The following PDE4D variants were observed in gnomAD, a reference collection of about 807,000 sequenced individuals.
PDE4D encodes phosphodiesterase 4D.
A neutral mutation model predicts 87.4 loss-of-function variants in PDE4D; 24 were observed. That is an observed-to-expected ratio of 0.27 (90% CI 0.20 to 0.39). PDE4D has a LOEUF of 0.39. Ranked by LOEUF, PDE4D falls within the 10% of genes least tolerant of loss-of-function variation. PDE4D has a pLI of 1.00. For synonymous variants in PDE4D, 384 were observed against 383.2 expected, an observed-to-expected ratio of 1.00 and a Z score of -0.02; for missense variants, 714 against 1,041.0, an observed-to-expected ratio of 0.69 and a Z score of 4.32.
intron 1 of PDE4D, among the ~76,000 whole-genome samples, chr5:59,810,363 C>A (rs1332050951): frequency 1.3e-5 from 2 of 152,180 alleles, no homozygotes; most frequent in East Asian, 3.9e-4. Context: ...GGTTCATGCC[C>A]ATTTTTACGT....
At chr5:59,064,672 A>G (rs6889456) in intron 5 of PDE4D, among the ~76,000 whole-genome samples, 11,208 of 152,202 alleles carry the variant, frequency 0.074, 611 homozygotes, top group East Asian at 0.13. Flanking sequence ...ATGTCATTAA[A>G]CCATCTGTTT....
At chr5:60,376,020 A>T (rs1442889725) in intron 1 of PDE4D, among the ~76,000 whole-genome samples, 2 of 152,132 alleles carry the variant, frequency 1.3e-5, no homozygotes, top group East Asian at 3.9e-4. Context: ...GCCTGGTGAC[A>T]AAGCAAGACT....
intron 2 of PDE4D, among the ~76,000 whole-genome samples, chr5:60,165,817 T>C (rs1782840356): frequency 1.3e-5 from 2 of 151,222 alleles, no homozygotes; most frequent in South Asian, 4.2e-4. Context: ...TGATTGGGTC[T>C]TTTTTTTAAA....
At chr5:60,173,304 TA>T (rs781142303) in intron 2 of PDE4D, among the ~76,000 whole-genome samples, 4 of 151,998 alleles carry the variant, frequency 2.6e-5, no homozygotes, top group Non-Finnish European at 5.9e-5. Context: ...AGGATAAATA[TA>T]ACTGCCTTTC....
intron 1 of PDE4D, among the ~76,000 whole-genome samples, chr5:60,326,635 G>A (rs1262068265): frequency 1.3e-5 from 2 of 152,020 alleles, no homozygotes; most frequent in African/African-American, 4.8e-5. Flanking sequence ...ATCTCATTTA[G>A]AACTACTATT....
At chr5:60,367,635 T>C (rs574036231) in intron 1 of PDE4D, among the ~76,000 whole-genome samples, 5 of 152,170 alleles carry the variant, frequency 3.3e-5, no homozygotes, top group Non-Finnish European at 7.3e-5. Context: ...TTCAATTTCA[T>C]GTTTCTCCCT....
chr5:59,820,215 T>C (rs1769473681), intron 1 of PDE4D, among the ~76,000 whole-genome samples: 2 of 152,232 alleles, frequency 1.3e-5, no homozygotes, highest in African/African-American at 4.8e-5. Flanking sequence ...ACAATGTTAT[T>C]ATTTCTTCAC....
intron 1 of PDE4D, among the ~76,000 whole-genome samples, chr5:60,370,779 G>T (rs78370313): frequency 2.0e-5 from 3 of 151,876 alleles, no homozygotes; most frequent in Non-Finnish European, 2.9e-5. Context: ...GTGTGTGTGC[G>T]TGCGTGCATG....
At chr5:60,302,986 A>G (rs539610895) in intron 1 of PDE4D, among the ~76,000 whole-genome samples, 15 of 151,508 alleles carry the variant, frequency 9.9e-5, no homozygotes, top group African/African-American at 3.4e-4. Flanking sequence ...CGTGCCACAC[A>G]CCCAGCTACT....
intron 1 of PDE4D, among the ~76,000 whole-genome samples, chr5:59,489,467 A>G (rs1391719254): frequency 6.6e-6 from 1 of 152,178 alleles, no homozygotes; most frequent in Non-Finnish European, 1.5e-5. Flanking sequence ...AAATGGAATT[A>G]CTTTGTCTTT....
intron 5 of PDE4D, among the ~76,000 whole-genome samples, chr5:59,083,996 G>T (rs538865573): frequency 6.6e-6 from 1 of 152,054 alleles, no homozygotes; most frequent in East Asian, 1.9e-4. Flanking sequence ...TTTTTTTGGG[G>T]GGGACTTGAC....
intron 1 of PDE4D, among the ~76,000 whole-genome samples, chr5:60,452,777 AAGC>A (rs1448769511): frequency 6.6e-6 from 1 of 152,128 alleles, no homozygotes; most frequent in African/African-American, 2.4e-5. Context: ...TGAGACAATA[AAGC>A]ATCATAGCTG....
chr5:60,406,677 T>C (rs934436052), intron 1 of PDE4D, among the ~76,000 whole-genome samples: 2 of 152,184 alleles, frequency 1.3e-5, no homozygotes, highest in African/African-American at 4.8e-5. Flanking sequence ...AATATTACAA[T>C]TGTGTTTCTT....
chr5:60,184,870 A>G (rs564973217), intron 2 of PDE4D, among the ~76,000 whole-genome samples: 1 of 152,264 alleles, frequency 6.6e-6, no homozygotes, highest in East Asian at 1.9e-4. Flanking sequence ...GAACAAAGGG[A>G]TGTGTTCTTA....
intron 1 of PDE4D, among the ~76,000 whole-genome samples, chr5:59,397,480 A>C (rs1354670391): frequency 8.5e-6 from 1 of 117,750 alleles, no homozygotes; most frequent in African/African-American, 3.4e-5. Flanking sequence ...CTGAATGACT[A>C]CTGGGTACAT....
chr5:59,774,544 A>T (rs1216465129), intron 1 of PDE4D, among the ~76,000 whole-genome samples: 1 of 125,590 alleles, frequency 8.0e-6, no homozygotes, highest in Admixed American at 7.6e-5. Context: ...AAAAAGACCA[A>T]ATCTAGTTAT....
intron 1 of PDE4D, among the ~76,000 whole-genome samples, chr5:60,402,300 C>A (rs1435048630): frequency 1.4e-5 from 2 of 145,500 alleles, no homozygotes; most frequent in African/African-American, 5.7e-5. Context: ...ATCCAAAAAT[C>A]TTCTCAAATC....
At chr5:59,677,988 C>T (rs770665378) in intron 1 of PDE4D, among the ~76,000 whole-genome samples, 1 of 152,146 alleles carries the variant, frequency 6.6e-6, no homozygotes, top group African/African-American at 2.4e-5. Context: ...TGCTATTAAG[C>T]ACATAAGTAC....
chr5:60,030,616 A>C (rs950152314), intron 2 of PDE4D, among the ~76,000 whole-genome samples: 1 of 152,242 alleles, frequency 6.6e-6, no homozygotes, highest in Non-Finnish European at 1.5e-5. Flanking sequence ...CAAATCTTAA[A>C]AAGACACATG....
Sources: gnomAD v4.1 joint callset for allele counts (sites outside exome capture counted in the v4.1 genomes callset) on GRCh38, gnomAD v4.1.1 for gene constraint, MANE v1.5 for transcripts, NCBI Gene and HGNC (gene_info 2026-07-23, HGNC 2026-07-21) for gene names.